Variants in PNPT1 observed in about 807,000 individuals in gnomAD.
PNPT1 encodes the protein polyribonucleotide nucleotidyltransferase 1.
Under a neutral mutation model 119.5 loss-of-function variants are expected in PNPT1, and 53 were observed. That is an observed-to-expected ratio of 0.44 (90% CI 0.36 to 0.56). The LOEUF is 0.56. Ranked by LOEUF, PNPT1 falls within the 20% of genes least tolerant of loss-of-function variation. The probability of loss-of-function intolerance (pLI) is 0.00; values close to 1 mark genes in which losing one functional copy is unlikely to be tolerated. For synonymous variants in PNPT1, 357 were observed against 322.1 expected (o/e 1.11, Z -1.16); for missense variants, 948 against 938.5 (o/e 1.01, Z -0.13).
intron 15 of PNPT1, 99 bp from the exon 16 acceptor site, chr2:55,656,470 A>G: frequency 8.9e-7 from 1 of 1,125,858 alleles, no homozygotes; most frequent in Non-Finnish European, 1.3e-6. Flanking sequence ...GAACAGTAGA[A>G]TCTCATTTTT....
In PNPT1 at chr2:55,661,657, T is replaced by C. The variant is rs55893374; in HGVS notation, c.1247+299A>G. ...CTCTCGTTTCTAATAGAAAAACCAATCCATTCAAGATTACCAAGGAAGCCT... is the reference window on the plus strand; with the variant it reads ...CTCTCGTTTCTAATAGAAAAACCAACCCATTCAAGATTACCAAGGAAGCCT... On this transcript the variant is annotated intron_variant, in intron 14 of 27. Transcript: ENST00000447944. Among the ~76,000 whole-genome samples the C allele has an allele frequency of 1.6e-3, 242 of 152,286 alleles. 2 individuals carry two copies. The Middle Eastern group carries it at 0.024, about 15-fold the overall frequency.
intron 26 of PNPT1, 105 bp from the exon 27 acceptor site, chr2:55,637,704 A>G: frequency 9.6e-7 from 1 of 1,036,974 alleles, no homozygotes; most frequent in African/African-American, 1.6e-5. Flanking sequence ...TGATTAAAAA[A>G]ATCAGTTAGC....
intron 25 of PNPT1, among the ~76,000 whole-genome samples, chr2:55,642,680 T>A (rs1356328536): frequency 6.6e-6 from 1 of 151,854 alleles, no homozygotes; most frequent in Non-Finnish European, 1.5e-5. Context: ...ACTGCTACTT[T>A]AATTTTATAA....
chr2:55,648,668 C>T, intron 18 of PNPT1, among the ~76,000 whole-genome samples: 1 of 152,150 alleles, frequency 6.6e-6, no homozygotes, highest in East Asian at 1.9e-4. Context: ...ACTTGGTTGG[C>T]AGTCTTTTTA....
chr2:55,648,011 T>A (rs1264720342), intron 18 of PNPT1, among the ~76,000 whole-genome samples: 1 of 152,186 alleles, frequency 6.6e-6, no homozygotes, highest in African/African-American at 2.4e-5. Flanking sequence ...TTTATAACTT[T>A]TAAATTATCC....
chr2:55,683,042 G>C (rs1476082099), intron 5 of PNPT1, among the ~76,000 whole-genome samples: 1 of 152,184 alleles, frequency 6.6e-6, no homozygotes, highest in Admixed American at 6.5e-5. Flanking sequence ...TATCCTGAAA[G>C]AAAGTATTAT....
intron 27 of PNPT1, among the ~76,000 whole-genome samples, chr2:55,637,022 G>T (rs1287140599): frequency 1.3e-5 from 2 of 152,216 alleles, no homozygotes; most frequent in Non-Finnish European, 2.9e-5. Flanking sequence ...CTCAGGTCAT[G>T]CGTATTAGCG....
At chr2:55,639,214 A>C (rs944920336) in intron 26 of PNPT1, among the ~76,000 whole-genome samples, 3 of 152,216 alleles carry the variant, frequency 2.0e-5, no homozygotes, top group Non-Finnish European at 4.4e-5. Flanking sequence ...TGAATATAGG[A>C]GAAAGATATA....
chr2:55,678,240 C>G lies in PNPT1; in HGVS notation c.679+1442G>C, dbSNP rs76811840. On this transcript the variant is annotated intron_variant, in intron 8 of 27. Coordinates refer to ENST00000447944, the MANE Select transcript of PNPT1 (RefSeq NM_033109.5). ...ATGAACAGGAAACCAATACTTTGCT[C>G]AAGGCTCCGAGATGCTCAAACATGA... 9.8e-3 allele frequency among the ~76,000 whole-genome samples: 1,491 copies of G among 152,336 alleles called. 8 individuals are homozygous for G. Among genetic ancestry groups the G allele is most frequent in the Non-Finnish European group, 0.014 (920 of 68,042 alleles).
chr2:55,687,664 T>A lies in PNPT1; in HGVS notation c.203A>T (p.Asp68Val). 1 of 1,598,636 alleles carries A rather than the reference T, an allele frequency of 6.3e-7. No homozygotes were observed. The highest frequency in any genetic ancestry group is 8.5e-7 in the Non-Finnish European group (1 of 1,175,356). ...TTTTACCTGTACTACAGCAGAGCCA[T>A]CTGCAAATCTGGCCAGCTTTCCAGA... ...ISSGKLARFA[D>V]GSAVVQSGDT... Residue 68 changes from aspartate to valine, a missense_variant, in exon 2 of 28, where the codon GAT becomes GTT. Asp to Val is a radical substitution (Grantham distance 152). Transcript: ENST00000447944.
intron 8 of PNPT1, among the ~76,000 whole-genome samples, chr2:55,678,107 T>G (rs1353398359): frequency 6.6e-6 from 1 of 152,206 alleles, no homozygotes; most frequent in East Asian, 1.9e-4. Flanking sequence ...GCTGGGCACT[T>G]TGCAAATCTT....
At position 55,640,666 on chromosome 2, in the gene PNPT1, A is replaced by G; in HGVS notation, c.2109T>C (p.Thr703=). ...GVMVKLYPNM[T]AVLLHNTQLD... is the part of the protein sequence containing the mutation. Reference sequence around the variant, plus strand: ...GTTGTGTGTTATGAAGCAGTACCGCAGTCATATTTGGATATAATTTTACCA... The same window carrying G: ...GTTGTGTGTTATGAAGCAGTACCGCGGTCATATTTGGATATAATTTTACCA... The change falls in exon 26 of 28, where the codon ACT becomes ACC. Residue 703 remains threonine, a synonymous_variant. Coordinates refer to ENST00000447944, the MANE Select transcript of PNPT1 (RefSeq NM_033109.5). 6.3e-7 allele frequency: 1 copy of G among 1,593,870 alleles called. No homozygotes were observed. Among genetic ancestry groups the G allele is most frequent in the South Asian group, 1.1e-5 (1 of 90,586 alleles).
At chr2:55,655,200 A>G (rs1202998335) in intron 17 of PNPT1, among the ~76,000 whole-genome samples, 1 of 152,218 alleles carries the variant, frequency 6.6e-6, no homozygotes, top group Non-Finnish European at 1.5e-5. Context: ...TAATTCTTCA[A>G]CTAGATAGGA....
chr2:55,646,570 G>T, intron 19 of PNPT1, 84 bp from the exon 20 acceptor site: 1 of 1,081,268 alleles, frequency 9.2e-7, no homozygotes, highest in Non-Finnish European at 1.4e-6. Flanking sequence ...TCAAAAAACA[G>T]CTTTAGAAGT....
intron 18 of PNPT1, among the ~76,000 whole-genome samples, chr2:55,650,722 T>C (rs1405368679): frequency 7.3e-6 from 1 of 136,672 alleles, no homozygotes. Context: ...GGCCGCCCCG[T>C]CTGAGAAGTG....
intron 18 of PNPT1, among the ~76,000 whole-genome samples, chr2:55,653,923 G>T (rs1349034776): frequency 6.6e-6 from 1 of 151,674 alleles, no homozygotes; most frequent in African/African-American, 2.4e-5. Flanking sequence ...CTTTCTTCTC[G>T]AATAGCAGCA....
chr2:55,660,109 A>C, intron 15 of PNPT1, 48 bp downstream of exon 15: 1 of 1,507,400 alleles, frequency 6.6e-7, no homozygotes, highest in Non-Finnish European at 8.9e-7. Flanking sequence ...GTCTCACAAA[A>C]ATTTATTAAT....
At chr2:55,678,298 A>C (rs1021003530) in intron 8 of PNPT1, among the ~76,000 whole-genome samples, 1 of 152,208 alleles carries the variant, frequency 6.6e-6, no homozygotes, top group African/African-American at 2.4e-5. Context: ...TGGCTTCCCC[A>C]TTCTTTGGAA....
rs549416852 is a variant in PNPT1 at position 55,681,889 on chromosome 2, C to T, written c.454-971G>A. Reference sequence around the variant, plus strand: ...GGGCGCGGTGGCTCACGCCTGTAATCCCAGCATGTTGGGAGGCTGAGGCGG... The same window carrying T: ...GGGCGCGGTGGCTCACGCCTGTAATTCCAGCATGTTGGGAGGCTGAGGCGG... On this transcript the variant is annotated intron_variant, in intron 5 of 27. Transcript: ENST00000447944. 7.4e-5 allele frequency among the ~76,000 whole-genome samples: 11 copies of T among 149,308 alleles called. No homozygotes were observed. The South Asian group carries it at 2.3e-3, about 31-fold the overall frequency.
Sources: allele counts gnomAD v4.1 joint callset (sites outside exome capture counted in the v4.1 genomes callset), GRCh38; gene constraint gnomAD v4.1.1; transcripts MANE v1.5; gene names NCBI Gene and HGNC (gene_info 2026-07-23, HGNC 2026-07-21).